Variants in CPEB3 observed in about 807,000 individuals in gnomAD.
CPEB3 encodes the protein cytoplasmic polyadenylation element-binding protein 3.
A neutral mutation model predicts 67.2 loss-of-function variants in CPEB3; 20 were observed. The ratio of observed to expected loss-of-function variants is 0.30; its 90% CI spans 0.21 to 0.43. CPEB3 has a LOEUF of 0.43. Ranked by LOEUF, CPEB3 falls within the 20% of genes least tolerant of loss-of-function variation. The probability of loss-of-function intolerance (pLI) is 1.00; values close to 1 mark genes in which losing one functional copy is unlikely to be tolerated. For synonymous variants in CPEB3, 376 were observed against 393.1 expected, an observed-to-expected ratio of 0.96 and a Z score of 0.51; for missense variants, 746 against 968.6, an observed-to-expected ratio of 0.77 and a Z score of 3.05.
chr10:92,158,165 AT>A (rs773277629), intron 4 of CPEB3, among the ~76,000 whole-genome samples: 59 of 152,326 alleles, frequency 3.9e-4, no homozygotes, highest in Non-Finnish European at 7.8e-4. Flanking sequence ...TTTTCTATGT[AT>A]TCTTGGAACT....
chr10:92,084,721 A>C (rs530528126), intron 8 of CPEB3, among the ~76,000 whole-genome samples: 1 of 152,178 alleles, frequency 6.6e-6, no homozygotes, highest in African/African-American at 2.4e-5. Flanking sequence ...CTGGGACTAC[A>C]GGCGCCCGCC....
intron 7 of CPEB3, among the ~76,000 whole-genome samples, chr10:92,095,234 A>G (rs1243138815): frequency 2.0e-5 from 3 of 152,104 alleles, no homozygotes; most frequent in African/African-American, 7.2e-5. Context: ...GATTAGGTAA[A>G]AATATAGGAA....
intron 2 of CPEB3, chr10:92,204,289 G>A (rs1375489484): frequency 6.6e-6 from 1 of 152,088 alleles, no homozygotes; most frequent in Non-Finnish European, 1.5e-5. Context: ...CTTCTGCTGT[G>A]GCCCCCTGTT....
chr10:92,171,923 A>G (rs568182667), intron 4 of CPEB3, among the ~76,000 whole-genome samples: 1 of 152,280 alleles, frequency 6.6e-6, no homozygotes, highest in East Asian at 1.9e-4. Flanking sequence ...GCCTTGGTGT[A>G]TATTTCTTGC....
intron 9 of CPEB3, among the ~76,000 whole-genome samples, chr10:92,056,881 C>T (rs1842131628): frequency 6.6e-6 from 1 of 152,174 alleles, no homozygotes; most frequent in African/African-American, 2.4e-5. Flanking sequence ...TCTTGGATAC[C>T]AGCTCAGCCA....
chr10:92,285,523 G>A (rs1056191693), intron 1 of CPEB3, among the ~76,000 whole-genome samples: 3 of 152,102 alleles, frequency 2.0e-5, no homozygotes, highest in East Asian at 1.9e-4. Flanking sequence ...TGCCCGCCTC[G>A]GCATCCCAAA....
intron 6 of CPEB3, chr10:92,137,161 T>C (rs1050878126): frequency 1.9e-5 from 7 of 369,066 alleles, no homozygotes; most frequent in Non-Finnish European, 3.6e-5. Flanking sequence ...TACCCACACC[T>C]TGGTCCCAGC....
intron 4 of CPEB3, among the ~76,000 whole-genome samples, chr10:92,171,566 G>A (rs1439351473): frequency 6.6e-6 from 1 of 152,170 alleles, no homozygotes; most frequent in Non-Finnish European, 1.5e-5. Flanking sequence ...GGAAACAAAG[G>A]AAGGGGGGTA....
chr10:92,117,552 G>A (rs999697228), intron 6 of CPEB3, among the ~76,000 whole-genome samples: 6 of 150,738 alleles, frequency 4.0e-5, no homozygotes, highest in African/African-American at 7.3e-5. Context: ...GGGTGGTCTC[G>A]ATCTCCTGAC....
At chr10:92,234,927 G>A (rs969842320) in intron 2 of CPEB3, among the ~76,000 whole-genome samples, 1 of 151,774 alleles carries the variant, frequency 6.6e-6, no homozygotes, top group East Asian at 1.9e-4. Context: ...TCCATCCCCC[G>A]AAAAAACAAA....
At chr10:92,056,626 T>C (rs1842123363) in intron 9 of CPEB3, among the ~76,000 whole-genome samples, 1 of 152,148 alleles carries the variant, frequency 6.6e-6, no homozygotes, top group Non-Finnish European at 1.5e-5. Flanking sequence ...GTGCTCTGTG[T>C]CTTTAAATCA....
At chr10:92,156,590 C>A (rs1234671221) in intron 4 of CPEB3, among the ~76,000 whole-genome samples, 1 of 152,190 alleles carries the variant, frequency 6.6e-6, no homozygotes, top group East Asian at 1.9e-4. Flanking sequence ...CTATTTTCTA[C>A]ATAAAACAGT....
At chr10:92,236,566 G>A (rs546201162) in intron 2 of CPEB3, among the ~76,000 whole-genome samples, 23 of 152,122 alleles carry the variant, frequency 1.5e-4, no homozygotes, top group Middle Eastern at 3.4e-3. Flanking sequence ...TGGTCAATAT[G>A]GTGAAACCCT....
chr10:92,198,783 T>C (rs561416813), intron 2 of CPEB3, among the ~76,000 whole-genome samples: 1 of 152,302 alleles, frequency 6.6e-6, no homozygotes, highest in South Asian at 2.1e-4. Context: ...GTCACAGAGC[T>C]GATCAGAAAT....
chr10:92,265,146 C>T (rs1156636871), intron 1 of CPEB3, among the ~76,000 whole-genome samples: 1 of 151,228 alleles, frequency 6.6e-6, no homozygotes, highest in Non-Finnish European at 1.5e-5. Context: ...GGCAACACAG[C>T]GAGACTCCGC....
intron 9 of CPEB3, among the ~76,000 whole-genome samples, chr10:92,056,136 G>C (rs1188423138): frequency 6.6e-6 from 1 of 152,182 alleles, no homozygotes; most frequent in East Asian, 1.9e-4. Flanking sequence ...ATGAGCGAGG[G>C]TGCTGTCCCT....
chr10:92,211,565 C>G (rs1293739613), intron 2 of CPEB3, among the ~76,000 whole-genome samples: 1 of 147,184 alleles, frequency 6.8e-6, no homozygotes, highest in Non-Finnish European at 1.5e-5. Context: ...GAGACAGAGT[C>G]TCGCTCTGTT....
chr10:92,184,793 A>G (rs1848614872), intron 3 of CPEB3, among the ~76,000 whole-genome samples: 2 of 152,186 alleles, frequency 1.3e-5, no homozygotes, highest in Non-Finnish European at 2.9e-5. Context: ...AATGCAATAT[A>G]TTTTCATTGG....
At chr10:92,088,712 T>G (rs562473445) in intron 8 of CPEB3, among the ~76,000 whole-genome samples, 5 of 152,090 alleles carry the variant, frequency 3.3e-5, no homozygotes, top group Admixed American at 3.3e-4. Context: ...AAGGGATACT[T>G]TTTGGCCCTG....
Sources: gnomAD v4.1 joint callset for allele counts (sites outside exome capture counted in the v4.1 genomes callset) on GRCh38, gnomAD v4.1.1 for gene constraint, MANE v1.5 for transcripts, NCBI Gene and HGNC (gene_info 2026-07-23, HGNC 2026-07-21) for gene names.